DYM: variants seen among roughly 807,000 people sequenced by gnomAD.
DYM encodes dyggve-Melchior-Clausen syndrome protein.
DYM carries 78 observed loss-of-function variants against 93.1 expected under a neutral mutation model. The ratio of observed to expected loss-of-function variants is 0.84; its 90% CI spans 0.70 to 1.01. The LOEUF (loss-of-function observed/expected upper bound fraction) is 1.01. Among genes scored for constraint, DYM ranks in the 50% least tolerant of loss-of-function variants. DYM has a pLI of 0.00. For missense variants in DYM, 789 were observed against 845.0 expected (o/e 0.93, Z 0.82); for synonymous variants, 321 against 319.7 (o/e 1.00, Z -0.04).
At chr18:49,085,392 G>A (rs991950849) in intron 17 of DYM, among the ~76,000 whole-genome samples, 4 of 152,044 alleles carry the variant, frequency 2.6e-5, no homozygotes, top group Non-Finnish European at 4.4e-5. Flanking sequence ...GACACAAATC[G>A]TCTCCAACTT....
chr18:49,154,493 C>G (rs769627729), intron 15 of DYM, among the ~76,000 whole-genome samples: 4 of 152,058 alleles, frequency 2.6e-5, no homozygotes, highest in Non-Finnish European at 4.4e-5. Context: ...CTCCTGGGTT[C>G]AAGCAGTTCT....
At chr18:49,395,407 A>C (rs758190995) in intron 2 of DYM, among the ~76,000 whole-genome samples, 2 of 152,212 alleles carry the variant, frequency 1.3e-5, no homozygotes, top group African/African-American at 2.4e-5. Context: ...AGGCAGGAGG[A>C]TCACCTGACG....
At chr18:49,245,940 C>T (rs886769086) in intron 13 of DYM, among the ~76,000 whole-genome samples, 7 of 152,236 alleles carry the variant, frequency 4.6e-5, no homozygotes, top group Admixed American at 3.9e-4. Flanking sequence ...TAGAAAAGAA[C>T]CTACATTGAA....
At chr18:49,212,024 T>C (rs1436654123) in intron 13 of DYM, among the ~76,000 whole-genome samples, 2 of 152,168 alleles carry the variant, frequency 1.3e-5, no homozygotes, top group Non-Finnish European at 2.9e-5. Flanking sequence ...CAAGTAGATG[T>C]CATGTGGCTC....
chr18:49,089,933 A>G (rs988139178), intron 17 of DYM, among the ~76,000 whole-genome samples: 2 of 152,182 alleles, frequency 1.3e-5, no homozygotes, highest in Non-Finnish European at 2.9e-5. Context: ...GCCTTGGCTA[A>G]GATTTCCCAT....
At chr18:49,384,982 T>C (rs752884578) in intron 3 of DYM, among the ~76,000 whole-genome samples, 6 of 147,570 alleles carry the variant, frequency 4.1e-5, no homozygotes, top group Non-Finnish European at 8.9e-5. Context: ...AAACACCTCA[T>C]CAAATTATAG....
At chr18:49,395,378 C>T (rs2147959167) in intron 2 of DYM, among the ~76,000 whole-genome samples, 1 of 152,172 alleles carries the variant, frequency 6.6e-6, no homozygotes, top group South Asian at 2.1e-4. Flanking sequence ...GCCTATAATC[C>T]CAGCACTTTG....
At chr18:49,220,636 G>C (rs1001630868) in intron 13 of DYM, among the ~76,000 whole-genome samples, 33 of 152,062 alleles carry the variant, frequency 2.2e-4, no homozygotes, top group Admixed American at 8.5e-4. Flanking sequence ...ACAAACCTGA[G>C]AAAAACAATC....
At chr18:49,081,551 AGAGGGGAGAG>A in intron 17 of DYM, among the ~76,000 whole-genome samples, 1 of 74,720 alleles carries the variant, frequency 1.3e-5, no homozygotes, top group African/African-American at 4.6e-5. Flanking sequence ...GGGAGAGGGG[AGAGGGGAGAG>A]GGGAGAGGGG....
intron 8 of DYM, among the ~76,000 whole-genome samples, chr18:49,296,162 C>G (rs879867959): frequency 6.6e-6 from 1 of 152,156 alleles, no homozygotes; most frequent in Admixed American, 6.5e-5. Context: ...CTCCTGGCCT[C>G]AGGTGATCTG....
intron 17 of DYM, among the ~76,000 whole-genome samples, chr18:49,077,703 GT>G (rs1275337744): frequency 6.6e-6 from 1 of 152,076 alleles, no homozygotes; most frequent in Non-Finnish European, 1.5e-5. Context: ...AATTGTCCCT[GT>G]GATCATTATG....
intron 3 of DYM, among the ~76,000 whole-genome samples, chr18:49,383,708 C>A (rs748328588): frequency 4.6e-5 from 7 of 152,178 alleles, no homozygotes; most frequent in Non-Finnish European, 1.0e-4. Context: ...TTTATTTATT[C>A]TCTGGTTCCT....
chr18:49,405,174 T>G (rs138268392), intron 2 of DYM, among the ~76,000 whole-genome samples: 5 of 152,186 alleles, frequency 3.3e-5, no homozygotes, highest in African/African-American at 4.8e-5. Flanking sequence ...TTTGCAAATA[T>G]TTTCTCCCAT....
Position 49,390,073 on chromosome 18 carries a change from G to A in DYM, c.193+1520C>T, listed in dbSNP as rs561130527. 2.0e-5 allele frequency among the ~76,000 whole-genome samples: 3 copies of A among 152,260 alleles called. No homozygotes were observed. In the East Asian group the frequency reaches 5.8e-4, roughly 29 times the overall value. On this transcript the variant is annotated intron_variant, in intron 3 of 17. Coordinates refer to ENST00000675505, the MANE Select transcript of DYM (RefSeq NM_001353214.3). ...TCCCTAAGCTATGGTTGTAAGGCAA[G>A]ACAACTACTACAATAACACCTTTTC...
chr18:49,305,307 C>A (rs1373940157), intron 8 of DYM, among the ~76,000 whole-genome samples: 1 of 152,192 alleles, frequency 6.6e-6, no homozygotes, highest in East Asian at 1.9e-4. Context: ...ACAATATAAC[C>A]ATTCCACTTG....
At chr18:49,093,545 G>C (rs1408506967) in intron 17 of DYM, among the ~76,000 whole-genome samples, 1 of 152,178 alleles carries the variant, frequency 6.6e-6, no homozygotes, top group Non-Finnish European at 1.5e-5. Context: ...GCAACGTGGA[G>C]GGAAAGGAAT....
chr18:49,379,520 A>C lies in DYM; in HGVS notation c.287+145T>G, dbSNP rs141033256. ...CCCAGTGACTTAGACACTAACCTAA[A>C]ACCTCTCTACCTTTTTTTCTTAATA... On this transcript the variant is annotated intron_variant, in intron 4 of 17. Coordinates refer to ENST00000675505, the MANE Select transcript of DYM (RefSeq NM_001353214.3). The C allele has an allele frequency of 5.2e-5, 38 of 734,918 alleles. No homozygotes were observed. The East Asian group carries it at 1.0e-3, about 20-fold the overall frequency. The allele number at this position is 734,918 out of a possible 1,614,324, so 45.5% of individuals were successfully genotyped here. A position where few individuals can be genotyped will look rare whatever the true frequency, so the allele number is the denominator to read the frequency against.
intron 2 of DYM, among the ~76,000 whole-genome samples, chr18:49,425,041 T>C (rs2074129822): frequency 6.6e-6 from 1 of 152,136 alleles, no homozygotes; most frequent in Admixed American, 6.6e-5. Context: ...TGGAAAAAAC[T>C]ACTTTAAAGT....
chr18:49,041,308 C>A lies in DYM; in HGVS notation c.*2747G>T, dbSNP rs78472646. ...TAAAAGTAAATATTGTGGCAGAAGT[C>A]TTTGTTGATAAAATGACACAATGCA... On this transcript the variant is annotated 3_prime_UTR_variant, in exon 18 of 18. Coordinates refer to ENST00000675505, the MANE Select transcript of DYM (RefSeq NM_001353214.3). Among the ~76,000 whole-genome samples, 1 of 152,170 alleles carries A rather than the reference C, an allele frequency of 6.6e-6. No homozygotes were observed. The highest frequency in any genetic ancestry group is 1.5e-5 in the Non-Finnish European group (1 of 68,042).
Sources: gnomAD v4.1 joint callset for allele counts (sites outside exome capture counted in the v4.1 genomes callset) on GRCh38, gnomAD v4.1.1 for gene constraint, MANE v1.5 for transcripts, NCBI Gene and HGNC (gene_info 2026-07-23, HGNC 2026-07-21) for gene names.